RUNX1: variants seen among roughly 807,000 people sequenced by gnomAD.
The protein encoded by RUNX1 is runt-related transcription factor 1.
RUNX1 carries 19 observed loss-of-function variants against 42.8 expected under a neutral mutation model. The ratio of observed to expected loss-of-function variants is 0.44; its 90% confidence interval spans 0.31 to 0.65. The LOEUF is 0.65. Ranked by LOEUF, RUNX1 falls within the 30% of genes least tolerant of loss-of-function variation. The probability of loss-of-function intolerance (pLI) is 0.07; values close to 1 mark genes in which losing one functional copy is unlikely to be tolerated. For synonymous variants in RUNX1, 271 were observed against 289.4 expected, an observed-to-expected ratio of 0.94 and a Z score of 0.64; for missense variants, 528 against 672.0, an observed-to-expected ratio of 0.79 and a Z score of 2.37.
At chr21:34,958,012 C>T (rs369699978) in intron 2 of RUNX1, among the ~76,000 whole-genome samples, 8 of 152,016 alleles carry the variant, frequency 5.3e-5, no homozygotes, top group Non-Finnish European at 7.4e-5. Context: ...TAAAGGATGG[C>T]GGTAAAATAA....
At chr21:34,950,903 G>A (rs1220507532) in intron 2 of RUNX1, among the ~76,000 whole-genome samples, 2 of 152,214 alleles carry the variant, frequency 1.3e-5, no homozygotes, top group Non-Finnish European at 2.9e-5. Context: ...CTGACACTCT[G>A]CAGAATCCCA....
intron 6 of RUNX1, among the ~76,000 whole-genome samples, chr21:34,847,046 A>G (rs557658205): frequency 5.9e-5 from 9 of 152,234 alleles, no homozygotes; most frequent in Admixed American, 2.6e-4. Context: ...AGGGGAAAAA[A>G]GGAATACGGA....
intron 2 of RUNX1, among the ~76,000 whole-genome samples, chr21:34,905,501 T>G (rs1223553459): frequency 6.6e-6 from 1 of 152,212 alleles, no homozygotes; most frequent in African/African-American, 2.4e-5. Flanking sequence ...AAACACAGAT[T>G]TAATTAATCC....
intron 7 of RUNX1, among the ~76,000 whole-genome samples, chr21:34,809,509 A>T (rs1333422210): frequency 1.3e-5 from 2 of 151,998 alleles, no homozygotes; most frequent in African/African-American, 2.4e-5. Flanking sequence ...AGCTAAAGAA[A>T]CAGAATTTTC....
intron 7 of RUNX1, among the ~76,000 whole-genome samples, chr21:34,827,077 C>T (rs2056998687): frequency 6.6e-6 from 1 of 152,146 alleles, no homozygotes; most frequent in Non-Finnish European, 1.5e-5. Context: ...TGGTAGAATG[C>T]TGGTAAAGGC....
In RUNX1 at chr21:34,882,690, G is replaced by GTT. The variant is rs60688911; in HGVS notation, c.352-1979_352-1978dup. The stretch of plus-strand genomic sequence containing the variant: ...GATCAGTTATTTGGTTATTGCTACT[G>GTT]TTTTTTTTTTTTTTCTATTCCCGAA... On this transcript the variant is annotated intron_variant, in intron 4 of 8. Coordinates refer to ENST00000675419, the MANE Select transcript of RUNX1 (RefSeq NM_001754.5). 3.2e-4 allele frequency among the ~76,000 whole-genome samples: 45 copies of GTT among 139,802 alleles called. 2 individuals carry two copies. The highest frequency in any genetic ancestry group is 4.6e-4 in the South Asian group (2 of 4,322). The allele number at this position is 139,802 out of a possible 152,430, so 91.7% of individuals were successfully genotyped here.
chr21:34,903,705 C>A (rs561663713), intron 2 of RUNX1, among the ~76,000 whole-genome samples: 1 of 152,104 alleles, frequency 6.6e-6, no homozygotes, highest in Non-Finnish European at 1.5e-5. Context: ...TATAGGCACT[C>A]GGATAAGATG....
rs75962595 is a variant in RUNX1 at position 34,840,147 on chromosome 21, T to A, written c.614-5546A>T. On this transcript the variant is annotated intron_variant, in intron 6 of 8. Coordinates refer to ENST00000675419, the MANE Select transcript of RUNX1 (RefSeq NM_001754.5). ...CTAAGGTGAACCCCAGATTCTCAAG[T>A]AGGAAGTAATTTCTGCTGTGCCATC... is the stretch of plus-strand genomic sequence containing the variant. Among the ~76,000 whole-genome samples the A allele has an allele frequency of 5.5e-3, 844 of 152,176 alleles. 5 individuals carry two copies. The highest frequency in any genetic ancestry group is 0.02 in the African/African-American group (810 of 41,500).
At chr21:34,870,104 G>A (rs1280216388) in intron 5 of RUNX1, among the ~76,000 whole-genome samples, 4 of 152,110 alleles carry the variant, frequency 2.6e-5, no homozygotes, top group Non-Finnish European at 5.9e-5. Flanking sequence ...CCACAGAACC[G>A]TATGGGGCCC....
At chr21:34,978,979 C>CAT (rs1024924107) in intron 2 of RUNX1, among the ~76,000 whole-genome samples, 2 of 151,572 alleles carry the variant, frequency 1.3e-5, no homozygotes, top group East Asian at 1.9e-4. Flanking sequence ...CACACACACA[C>CAT]AGCATCTTTG....
intron 2 of RUNX1, among the ~76,000 whole-genome samples, chr21:34,933,987 G>A (rs958042257): frequency 1.3e-5 from 2 of 152,232 alleles, no homozygotes; most frequent in South Asian, 4.1e-4. Context: ...CAACTTGCAA[G>A]TGCAGGGGGA....
At chr21:34,887,239 G>T in intron 3 of RUNX1, 143 bp from the exon 4 acceptor site, 1 of 1,107,528 alleles carries the variant, frequency 9.0e-7, no homozygotes, top group Non-Finnish European at 1.2e-6. Context: ...TTACTGCGGG[G>T]GGTGGGGGGG....
intron 6 of RUNX1, among the ~76,000 whole-genome samples, chr21:34,857,864 G>A (rs528057298): frequency 1.3e-5 from 2 of 152,322 alleles, no homozygotes; most frequent in South Asian, 2.1e-4. Context: ...CCTTAGACCT[G>A]TGTGGTCCTG....
chr21:35,034,705 A>G (rs913082859), intron 2 of RUNX1, among the ~76,000 whole-genome samples: 4 of 152,170 alleles, frequency 2.6e-5, no homozygotes, highest in African/African-American at 9.7e-5. Flanking sequence ...CTCAACAGAG[A>G]ATGATTCGGT....
intron 2 of RUNX1, among the ~76,000 whole-genome samples, chr21:34,931,638 T>C (rs1200868954): frequency 7.6e-6 from 1 of 131,734 alleles, no homozygotes; most frequent in Non-Finnish European, 1.5e-5. Context: ...CCAAATAAGG[T>C]TTATCTGGGG....
intron 3 of RUNX1, among the ~76,000 whole-genome samples, chr21:34,890,491 CCT>C (rs1164349679): frequency 6.6e-6 from 1 of 152,038 alleles, no homozygotes; most frequent in Non-Finnish European, 1.5e-5. Context: ...TCCCGAAGCC[CCT>C]GTTCCTGGGG....
intron 7 of RUNX1, among the ~76,000 whole-genome samples, chr21:34,805,756 C>T (rs1158613140): frequency 6.6e-6 from 1 of 152,062 alleles, no homozygotes; most frequent in East Asian, 1.9e-4. Flanking sequence ...TAGAAAAGTA[C>T]TATATTAAGG....
At chr21:34,872,966 G>T (rs766549700) in intron 5 of RUNX1, among the ~76,000 whole-genome samples, 2 of 152,176 alleles carry the variant, frequency 1.3e-5, no homozygotes, top group Non-Finnish European at 2.9e-5. Context: ...ACTGCCCAGT[G>T]GTTTCAGATA....
At chr21:35,021,573 GAAAT>G (rs768593421) in intron 2 of RUNX1, among the ~76,000 whole-genome samples, 29 of 152,186 alleles carry the variant, frequency 1.9e-4, no homozygotes, top group Non-Finnish European at 3.7e-4. Context: ...AAGCAACTGA[GAAAT>G]AAACCCCTGA....
Sources: gnomAD v4.1 joint callset for allele counts (sites outside exome capture counted in the v4.1 genomes callset) on GRCh38, gnomAD v4.1.1 for gene constraint, MANE v1.5 for transcripts, NCBI Gene and HGNC (gene_info 2026-07-23, HGNC 2026-07-21) for gene names.